GULP1: variants seen among roughly 807,000 people sequenced by gnomAD.
GULP1 encodes the protein GULP PTB domain containing engulfment adaptor 1.
In GULP1, 19 loss-of-function variants were observed where a neutral mutation model predicts 40.9. The ratio of observed to expected loss-of-function variants is 0.46; its 90% CI spans 0.32 to 0.68. The LOEUF is 0.68. GULP1 is among the 30% of genes least tolerant of loss of function. GULP1 has a pLI of 0.03. For missense variants in GULP1, 312 were observed against 362.2 expected, an observed-to-expected ratio of 0.86 and a Z score of 1.12; for synonymous variants, 119 against 117.6, an observed-to-expected ratio of 1.01 and a Z score of -0.08.
chr2:188,565,058 T>C (rs1049184525), intron 7 of GULP1, among the ~76,000 whole-genome samples: 3 of 151,922 alleles, frequency 2.0e-5, no homozygotes, highest in African/African-American at 4.8e-5. Flanking sequence ...AGGTGGATCA[T>C]AGACATAAAA....
At chr2:188,420,277 A>G (rs2055210348) in intron 2 of GULP1, among the ~76,000 whole-genome samples, 1 of 152,082 alleles carries the variant, frequency 6.6e-6, no homozygotes, top group African/African-American at 2.4e-5. Context: ...TTTGAGTAGT[A>G]TGAATATTTT....
At chr2:188,437,887 C>T (rs972171226) in intron 2 of GULP1, among the ~76,000 whole-genome samples, 2 of 151,764 alleles carry the variant, frequency 1.3e-5, no homozygotes, top group African/African-American at 2.4e-5. Flanking sequence ...ACTCATGACA[C>T]GAAGAGGGGA....
intron 9 of GULP1, among the ~76,000 whole-genome samples, chr2:188,573,349 G>A (rs1441043839): frequency 6.6e-6 from 1 of 152,032 alleles, no homozygotes; most frequent in Non-Finnish European, 1.5e-5. Flanking sequence ...ATAGTTACCT[G>A]CAATTATTTT....
chr2:188,508,509 A>G (rs2064159246), intron 4 of GULP1, among the ~76,000 whole-genome samples: 1 of 151,972 alleles, frequency 6.6e-6, no homozygotes. Context: ...TTGCAGACTG[A>G]TTAAAGTGAG....
At chr2:188,512,119 G>C (rs1477864345) in intron 4 of GULP1, among the ~76,000 whole-genome samples, 2 of 152,018 alleles carry the variant, frequency 1.3e-5, no homozygotes, top group Non-Finnish European at 2.9e-5. Flanking sequence ...CTCCTATATA[G>C]CTTATCTACT....
At chr2:188,299,750 G>A (rs947457576) in intron 1 of GULP1, among the ~76,000 whole-genome samples, 1 of 152,190 alleles carries the variant, frequency 6.6e-6, no homozygotes, top group Non-Finnish European at 1.5e-5. Context: ...AGTGGGGAAA[G>A]CGGGTATTCA....
intron 2 of GULP1, among the ~76,000 whole-genome samples, chr2:188,457,021 C>T (rs72911469): frequency 0.073 from 11,121 of 152,122 alleles, 550 homozygotes; most frequent in Non-Finnish European, 0.11. Context: ...GTCAGTTTCT[C>T]CCATTTGGAA....
intron 1 of GULP1, among the ~76,000 whole-genome samples, chr2:188,336,404 T>C (rs1301027827): frequency 1.3e-5 from 2 of 152,176 alleles, no homozygotes; most frequent in Non-Finnish European, 2.9e-5. Flanking sequence ...GCAACATATA[T>C]TTGAAAGCCT....
intron 10 of GULP1, among the ~76,000 whole-genome samples, chr2:188,587,301 A>G (rs1030841714): frequency 1.1e-4 from 16 of 152,082 alleles, no homozygotes; most frequent in Non-Finnish European, 2.1e-4. Context: ...TTTTAAAGAA[A>G]CTATCTCATT....
chr2:188,346,618 G>C (rs1290335944), intron 1 of GULP1, among the ~76,000 whole-genome samples: 1 of 150,672 alleles, frequency 6.6e-6, no homozygotes, highest in Non-Finnish European at 1.5e-5. Flanking sequence ...TCAGCCTCCC[G>C]AGTAACTGGG....
intron 2 of GULP1, among the ~76,000 whole-genome samples, chr2:188,419,724 A>C (rs972303874): frequency 3.3e-5 from 5 of 151,892 alleles, no homozygotes; most frequent in Non-Finnish European, 7.4e-5. Context: ...GTAGTCCCAC[A>C]TGTTTATTTT....
intron 1 of GULP1, among the ~76,000 whole-genome samples, chr2:188,346,653 C>T (rs912433078): frequency 2.0e-5 from 3 of 151,464 alleles, no homozygotes; most frequent in Admixed American, 6.6e-5. Flanking sequence ...CCACCACGCC[C>T]GGCTAATTTT....
At chr2:188,302,262 T>G (rs1446684297) in intron 1 of GULP1, among the ~76,000 whole-genome samples, 1 of 152,084 alleles carries the variant, frequency 6.6e-6, no homozygotes, top group Non-Finnish European at 1.5e-5. Context: ...AATGAATAAA[T>G]TATGCAGGAG....
At chr2:188,330,729 A>T (rs368085487) in intron 1 of GULP1, among the ~76,000 whole-genome samples, 1 of 152,196 alleles carries the variant, frequency 6.6e-6, no homozygotes, top group Admixed American at 6.5e-5. Context: ...CCAACAAGCC[A>T]TGTAAATTTA....
chr2:188,585,524 C>T (rs1164514833), intron 10 of GULP1, among the ~76,000 whole-genome samples: 1 of 152,202 alleles, frequency 6.6e-6, no homozygotes, highest in African/African-American at 2.4e-5. Flanking sequence ...CAAAGCTCAA[C>T]TCTTGTCTTC....
Position 188,552,475 on chromosome 2 carries a change from GT to G in GULP1, c.399+11161del, listed in dbSNP as rs555160173. Among the ~76,000 whole-genome samples, 40 of 151,878 alleles carry G rather than the reference GT, an allele frequency of 2.6e-4. No individual in the cohort carries two copies. In the East Asian group the frequency reaches 7.1e-3, roughly 27 times the overall value. On this transcript the variant is annotated intron_variant, in intron 7 of 11. Transcript: ENST00000409830. ...AACCTCAGTTGACTGTAAATAAGTG[GT>G]TTTATTTCTGAGTTCTTTATTCTAT...
intron 3 of GULP1, among the ~76,000 whole-genome samples, chr2:188,483,203 A>C (rs909329349): frequency 1.3e-5 from 2 of 152,022 alleles, no homozygotes; most frequent in African/African-American, 4.8e-5. Flanking sequence ...CATTTTTATT[A>C]TTTGAAAACT....
At chr2:188,525,821 T>C (rs1196748746) in intron 5 of GULP1, among the ~76,000 whole-genome samples, 2 of 152,232 alleles carry the variant, frequency 1.3e-5, no homozygotes, top group Admixed American at 1.3e-4. Flanking sequence ...ACTCACTCTT[T>C]CTGTGTTGTA....
At chr2:188,581,385 G>A (rs1002059730) in intron 9 of GULP1, among the ~76,000 whole-genome samples, 1 of 152,146 alleles carries the variant, frequency 6.6e-6, no homozygotes, top group East Asian at 1.9e-4. Flanking sequence ...CCATTCCTTG[G>A]GGAAAATGGA....
Sources: allele counts gnomAD v4.1 joint callset (sites outside exome capture counted in the v4.1 genomes callset), GRCh38; gene constraint gnomAD v4.1.1; transcripts MANE v1.5; gene names NCBI Gene and HGNC (gene_info 2026-07-23, HGNC 2026-07-21).